Variants in SHANK2 observed in about 807,000 individuals in gnomAD.
SHANK2 encodes SH3 and multiple ankyrin repeat domains 2.
Under a neutral mutation model 133.7 loss-of-function variants are expected in SHANK2, and 43 were observed. The observed-to-expected ratio is 0.32, with a 90% CI of 0.25 to 0.41. The LOEUF (loss-of-function observed/expected upper bound fraction) is 0.41. Ranked by LOEUF, SHANK2 falls within the 10% of genes least tolerant of loss-of-function variation. The pLI is 1.00. For missense variants in SHANK2, 1,994 were observed against 2,235.8 expected (o/e 0.89, Z 2.18); for synonymous variants, 1,017 against 952.8 (o/e 1.07, Z -1.24).
At chr11:70,876,514 C>G (rs1194296016) in intron 11 of SHANK2, among the ~76,000 whole-genome samples, 1 of 151,034 alleles carries the variant, frequency 6.6e-6, no homozygotes, top group African/African-American at 2.4e-5. Flanking sequence ...GAGCCAAGGT[C>G]ACGCCACTGC....
chr11:70,648,248 G>C (rs1314785054), intron 17 of SHANK2, among the ~76,000 whole-genome samples: 2 of 152,160 alleles, frequency 1.3e-5, no homozygotes, highest in Non-Finnish European at 2.9e-5. Flanking sequence ...CTGGGAGGGA[G>C]ATGGAGAGTG....
At chr11:70,524,803 T>C (rs1305139089) in intron 17 of SHANK2, among the ~76,000 whole-genome samples, 3 of 152,200 alleles carry the variant, frequency 2.0e-5, no homozygotes, top group East Asian at 1.9e-4. Context: ...TCCTCAGTGC[T>C]CTGGAACATG....
chr11:70,557,263 C>A (rs535485010), intron 17 of SHANK2, among the ~76,000 whole-genome samples: 20 of 152,302 alleles, frequency 1.3e-4, no homozygotes, highest in African/African-American at 4.8e-4. Context: ...AAGCTATCAA[C>A]TGGCCTCAGG....
chr11:71,066,681 T>C (rs1231377928), intron 9 of SHANK2, among the ~76,000 whole-genome samples: 2 of 152,186 alleles, frequency 1.3e-5, no homozygotes, highest in Non-Finnish European at 1.5e-5. Flanking sequence ...GGAGTTTGTT[T>C]TCAGGTTAAG....
At chr11:70,892,821 T>C (rs536218836) in intron 11 of SHANK2, among the ~76,000 whole-genome samples, 2 of 152,066 alleles carry the variant, frequency 1.3e-5, no homozygotes, top group Non-Finnish European at 2.9e-5. Context: ...GGTGGGTAAA[T>C]ACATGAACTG....
chr11:70,800,024 GTTTT>G (rs552326536), intron 13 of SHANK2, among the ~76,000 whole-genome samples: 1 of 148,200 alleles, frequency 6.7e-6, no homozygotes, highest in African/African-American at 2.5e-5. Context: ...ATATCTTAGG[GTTTT>G]TTTTTTGTTT....
intron 17 of SHANK2, among the ~76,000 whole-genome samples, chr11:70,597,015 G>T (rs2060411003): frequency 6.6e-6 from 1 of 152,034 alleles, no homozygotes; most frequent in African/African-American, 2.4e-5. Context: ...GGGGTGACTG[G>T]TCTATATCTG....
chr11:71,218,420 C>T (rs547736882), intron 2 of SHANK2, among the ~76,000 whole-genome samples: 6 of 152,102 alleles, frequency 3.9e-5, no homozygotes, highest in South Asian at 2.1e-4. Flanking sequence ...TGTGCCACCA[C>T]GCCCAGCTAA....
chr11:70,511,147 A>G (rs782396723), intron 17 of SHANK2, among the ~76,000 whole-genome samples: 1 of 152,214 alleles, frequency 6.6e-6, no homozygotes. Context: ...CCCAGCGCCC[A>G]TCAACACTTC....
chr11:70,683,688 G>A (rs1661670216), intron 15 of SHANK2, among the ~76,000 whole-genome samples: 1 of 152,264 alleles, frequency 6.6e-6, no homozygotes, highest in South Asian at 2.1e-4. Context: ...GCCGCTTCTG[G>A]TGGCTGCAGC....
At chr11:70,614,670 T>C (rs1554995414) in intron 17 of SHANK2, among the ~76,000 whole-genome samples, 1 of 152,216 alleles carries the variant, frequency 6.6e-6, no homozygotes, top group Non-Finnish European at 1.5e-5. Flanking sequence ...TCCAGGCCCT[T>C]CCTTCATCCC....
At chr11:70,756,899 A>G (rs890194244) in intron 14 of SHANK2, among the ~76,000 whole-genome samples, 1 of 144,652 alleles carries the variant, frequency 6.9e-6, no homozygotes, top group Non-Finnish European at 1.5e-5. Context: ...ACGGATACAT[A>G]GAGCAGACCC....
intron 21 of SHANK2, among the ~76,000 whole-genome samples, chr11:70,493,372 T>TC (rs1555156403): frequency 6.8e-6 from 1 of 146,738 alleles, no homozygotes; most frequent in African/African-American, 2.5e-5. Context: ...CCCATTTCCT[T>TC]TAAAAAAAAA....
chr11:70,492,226 A>G, intron 22 of SHANK2, 109 bp downstream of exon 22: 4 of 1,520,688 alleles, frequency 2.6e-6, no homozygotes, highest in Non-Finnish European at 2.7e-6. Flanking sequence ...ACCTCTGGAC[A>G]GCACGAACCA....
intron 17 of SHANK2, among the ~76,000 whole-genome samples, chr11:70,532,797 G>A (rs782061848): frequency 8.5e-5 from 13 of 152,136 alleles, no homozygotes; most frequent in African/African-American, 1.7e-4. Context: ...GTCTTAGACC[G>A]ACACGTGCGC....
At chr11:70,525,781 C>G (rs990690091) in intron 17 of SHANK2, among the ~76,000 whole-genome samples, 1 of 152,084 alleles carries the variant, frequency 6.6e-6, no homozygotes, top group Non-Finnish European at 1.5e-5. Context: ...GCTAACCCCC[C>G]TCCTAGCCCC....
rs781826477 is a variant in SHANK2 at position 70,486,441 on chromosome 11, G to A, written c.3852C>T (p.Thr1284=). 6 of 1,614,026 alleles carry A rather than the reference G, an allele frequency of 3.7e-6. No individual in the cohort carries two copies. Among genetic ancestry groups the A allele is most frequent in the East Asian group, 4.5e-5 (2 of 44,876 alleles). The change falls in exon 25 of 26, where the codon ACC becomes ACT. Residue 1284 remains threonine (T), a synonymous_variant. Transcript: ENST00000601538. This position sits in a 1 kb window ranked among gnomAD's most constrained non-coding sequence, Gnocchi z 8.0. ...CGCCTTTCCGGTCTCGGCCCAGGTCGGTCTCGTACTTGTTCTCCGTCTCCT... is the reference window on the plus strand; with the variant it reads ...CGCCTTTCCGGTCTCGGCCCAGGTCAGTCTCGTACTTGTTCTCCGTCTCCT... ...RRQETENKYE[T]DLGRDRKGDD... is the part of the protein sequence containing the mutation.
At chr11:71,106,024 G>A (rs1951797890) in intron 6 of SHANK2, among the ~76,000 whole-genome samples, 2 of 152,236 alleles carry the variant, frequency 1.3e-5, no homozygotes, top group South Asian at 4.1e-4. Context: ...CTGGTTCACT[G>A]ATTGTAACAG....
chr11:70,866,384 C>G (rs1169583970), intron 11 of SHANK2, among the ~76,000 whole-genome samples: 1 of 152,014 alleles, frequency 6.6e-6, no homozygotes, highest in Non-Finnish European at 1.5e-5. Context: ...GAGAAATGGT[C>G]AAAAGAGCCA....
Sources: gnomAD v4.1 joint callset for allele counts (sites outside exome capture counted in the v4.1 genomes callset) on GRCh38, gnomAD v4.1.1 for gene constraint, Gnocchi (gnomAD v3.1) non-coding constraint, MANE v1.5 for transcripts, NCBI Gene and HGNC (gene_info 2026-07-23, HGNC 2026-07-21) for gene names.